HIVEP2: variants seen among roughly 807,000 people sequenced by gnomAD.
HIVEP2 encodes the protein transcription factor HIVEP2.
HIVEP2 carries 14 observed loss-of-function variants against 180.7 expected under a neutral mutation model. The observed-to-expected ratio is 0.08, with a 90% CI of 0.05 to 0.12. The LOEUF (loss-of-function observed/expected upper bound fraction) is 0.12, where lower values mean the gene tolerates loss of function less well. Among genes scored for constraint, HIVEP2 ranks in the 10% least tolerant of loss-of-function variants. HIVEP2 has a pLI of 1.00. For missense variants in HIVEP2, 2,579 were observed against 3,008.5 expected (o/e 0.86, Z 3.34); for synonymous variants, 1,184 against 1,136.4 (o/e 1.04, Z -0.84).
rs1307727442 is a variant in HIVEP2 at position 142,935,273 on chromosome 6, T to A, written c.-641+9826A>T. Reference sequence around the variant, plus strand: ...CTTAAGAGTGCACAGACAGGCTGGGTGCAGTGGCTCATGCCTGTAATCCCC... The same window carrying A: ...CTTAAGAGTGCACAGACAGGCTGGGAGCAGTGGCTCATGCCTGTAATCCCC... On this transcript the variant is annotated intron_variant, in intron 1 of 9. Transcript: ENST00000367603. Among the ~76,000 whole-genome samples, 3 of 152,240 alleles carry A rather than the reference T, an allele frequency of 2.0e-5. No individual in the cohort carries two copies. In the East Asian group the frequency reaches 5.8e-4, roughly 29 times the overall value.
intron 1 of HIVEP2, among the ~76,000 whole-genome samples, chr6:142,911,802 CATG>C (rs1474518278): frequency 4.6e-5 from 7 of 152,116 alleles, no homozygotes; most frequent in Non-Finnish European, 7.4e-5. Context: ...CGTATGTGTG[CATG>C]ATATGTGTGC....
chr6:142,827,414 C>G (rs995254987), intron 2 of HIVEP2, among the ~76,000 whole-genome samples: 1 of 152,218 alleles, frequency 6.6e-6, no homozygotes. Flanking sequence ...TGTGTTTCCT[C>G]AGGCTGGGTG....
At chr6:142,906,178 T>G (rs1777260232) in intron 1 of HIVEP2, among the ~76,000 whole-genome samples, 1 of 152,090 alleles carries the variant, frequency 6.6e-6, no homozygotes, top group Non-Finnish European at 1.5e-5. Flanking sequence ...AACACTATCT[T>G]TATCACTGTA....
chr6:142,923,983 T>C lies in HIVEP2; in HGVS notation c.-641+21116A>G, dbSNP rs532804025. On this transcript the variant is annotated intron_variant, in intron 1 of 9. Coordinates refer to ENST00000367603, the MANE Select transcript of HIVEP2 (RefSeq NM_006734.4). The stretch of plus-strand genomic sequence containing the variant: ...AAGTGCTAGTTAAAATGATTCAAAT[T>C]CAAGTGGGCCTCTCTTCAGCTTTGC... 3.3e-5 allele frequency among the ~76,000 whole-genome samples: 5 copies of C among 152,324 alleles called. No individual in the cohort carries two copies. In the South Asian group the frequency reaches 8.3e-4, roughly 25 times the overall value.
chr6:142,782,993 C>G (rs763527765), intron 3 of HIVEP2, among the ~76,000 whole-genome samples: 4 of 152,102 alleles, frequency 2.6e-5, no homozygotes, highest in Non-Finnish European at 4.4e-5. Context: ...TAAACTTTGT[C>G]AGAAATAAAT....
intron 2 of HIVEP2, among the ~76,000 whole-genome samples, chr6:142,831,048 G>A (rs1366367134): frequency 1.3e-5 from 2 of 152,222 alleles, no homozygotes; most frequent in Admixed American, 6.5e-5. Flanking sequence ...ATGGCAAAGT[G>A]CCAAAGGCCA....
Position 142,769,876 on chromosome 6 carries a change from G to C in HIVEP2, c.4863C>G (p.Asp1621Glu). 2 of 1,614,136 alleles carry C rather than the reference G, an allele frequency of 1.2e-6. No homozygotes were observed. The highest frequency in any genetic ancestry group is 2.2e-5 in the South Asian group (2 of 91,090). ...MASAPSGNVADSTLLLTDMAD... is the reference protein window; with the variant it reads ...MASAPSGNVAESTLLLTDMAD... ...CCATGTCCGTGAGAAGAAGAGTTGA[G>C]TCTGCCACGTTCCCGCTGGGGGCAG... is the stretch of plus-strand genomic sequence containing the variant. The change falls in exon 5 of 10, where the codon GAC becomes GAG. Residue 1621 changes from aspartate (D) to glutamate (E), a missense_variant. Physicochemically the swap from Asp to Glu is conservative, Grantham distance 45. This residue lies in a region of HIVEP2 where 349 missense variants were observed against 367.2 expected (regional missense o/e 0.95). Transcript: ENST00000367603.
chr6:142,832,205 A>G, intron 2 of HIVEP2, among the ~76,000 whole-genome samples: 1 of 151,450 alleles, frequency 6.6e-6, no homozygotes, highest in East Asian at 1.9e-4. Flanking sequence ...AAAAAAAAAA[A>G]ACAGAAAACA....
At chr6:142,802,953 T>C (rs1205743952) in intron 2 of HIVEP2, among the ~76,000 whole-genome samples, 1 of 152,134 alleles carries the variant, frequency 6.6e-6, no homozygotes, top group Non-Finnish European at 1.5e-5. Context: ...TTAAAATAAA[T>C]TGAGTTTAAA....
chr6:142,927,393 C>T (rs889398953), intron 1 of HIVEP2, among the ~76,000 whole-genome samples: 4 of 152,196 alleles, frequency 2.6e-5, no homozygotes, highest in African/African-American at 4.8e-5. Context: ...CAGTTGTTTT[C>T]CCCTCGTTTT....
intron 1 of HIVEP2, among the ~76,000 whole-genome samples, chr6:142,910,595 C>T (rs1777376880): frequency 6.6e-6 from 1 of 152,130 alleles, no homozygotes; most frequent in Non-Finnish European, 1.5e-5. Flanking sequence ...AGCGAGACTA[C>T]GTCTCAAAAA....
chr6:142,886,417 C>A (rs1776699747), intron 1 of HIVEP2, among the ~76,000 whole-genome samples: 1 of 152,160 alleles, frequency 6.6e-6, no homozygotes, highest in Admixed American at 6.6e-5. Flanking sequence ...AGCTACCCTG[C>A]AAGCAGGTCG....
In HIVEP2 at chr6:142,770,905, G is replaced by A; in HGVS notation, c.3834C>T (p.Thr1278=). The change falls in exon 5 of 10, where the codon ACC becomes ACT. Residue 1278 remains threonine (T), a synonymous_variant. Coordinates refer to ENST00000367603, the MANE Select transcript of HIVEP2 (RefSeq NM_006734.4). The surrounding 1 kb of genome is among the most constrained non-coding windows in gnomAD (Gnocchi z 4.7). ...CTGATGCTCCTGAATAACATGGGTA[G>A]GTCTGCTCTTTCGTGTGTGCATACT... ...PAEYAHTKEQ[T]YPCYSGASGL... The A allele has an allele frequency of 1.9e-6, 3 of 1,614,194 alleles. No homozygotes were observed. Among genetic ancestry groups the A allele is most frequent in the Non-Finnish European group, 2.5e-6 (3 of 1,180,040 alleles).
chr6:142,818,657 A>C (rs562614944), intron 2 of HIVEP2, among the ~76,000 whole-genome samples: 1 of 146,318 alleles, frequency 6.8e-6, no homozygotes, highest in Non-Finnish European at 1.5e-5. Context: ...GGACAGAGTA[A>C]AACTCTGTCA....
chr6:142,889,748 C>A (rs1776807778), intron 1 of HIVEP2, among the ~76,000 whole-genome samples: 1 of 152,166 alleles, frequency 6.6e-6, no homozygotes, highest in Non-Finnish European at 1.5e-5. Flanking sequence ...TTAGTGATTT[C>A]TGCTGTGCAA....
chr6:142,928,806 C>T (rs1777874828), intron 1 of HIVEP2, among the ~76,000 whole-genome samples: 1 of 152,188 alleles, frequency 6.6e-6, no homozygotes, highest in Non-Finnish European at 1.5e-5. Flanking sequence ...ATCGCAAACT[C>T]TTCTCATTTT....
chr6:142,928,246 A>C (rs776506019), intron 1 of HIVEP2, among the ~76,000 whole-genome samples: 2 of 152,202 alleles, frequency 1.3e-5, no homozygotes, highest in African/African-American at 2.4e-5. Context: ...AACTACCCTA[A>C]AAATATAAAC....
At chr6:142,892,010 C>G (rs939609365) in intron 1 of HIVEP2, among the ~76,000 whole-genome samples, 1 of 152,212 alleles carries the variant, frequency 6.6e-6, no homozygotes, top group South Asian at 2.1e-4. Context: ...GAAAGGCTAG[C>G]TGACACATGC....
chr6:142,820,040 C>A (rs949677142), intron 2 of HIVEP2, among the ~76,000 whole-genome samples: 1 of 152,294 alleles, frequency 6.6e-6, no homozygotes, highest in South Asian at 2.1e-4. Context: ...TACCTGGGCT[C>A]ACACACAGTT....
Sources: allele counts gnomAD v4.1 joint callset (sites outside exome capture counted in the v4.1 genomes callset), GRCh38; gene constraint gnomAD v4.1.1; regional missense constraint gnomAD v4.1.1; non-coding constraint Gnocchi (gnomAD v3.1); transcripts MANE v1.5; gene names NCBI Gene and HGNC (gene_info 2026-07-23, HGNC 2026-07-21).